MZT2B: variants seen among roughly 807,000 people sequenced by gnomAD.
MZT2B encodes mitotic-spindle organizing protein 2B.
A neutral mutation model predicts 12.1 loss-of-function variants in MZT2B; 11 were observed. The ratio of observed to expected loss-of-function variants is 0.91; its 90% CI spans 0.57 to 1.50. The LOEUF is 1.50. MZT2B is among the 40% of genes most tolerant of loss of function. The probability of loss-of-function intolerance (pLI) is 0.00; values close to 1 mark genes in which losing one functional copy is unlikely to be tolerated. For missense variants in MZT2B, 209 were observed against 227.7 expected, an observed-to-expected ratio of 0.92 and a Z score of 0.53; for synonymous variants, 85 against 109.5, an observed-to-expected ratio of 0.78 and a Z score of 1.40.
In MZT2B at chr2:130,183,868, C is replaced by T. The variant is rs200567237; in HGVS notation, c.319+1093C>T. Reference sequence around the variant, plus strand: ...TCCAGCCCGCAGCCTGCGGCCTCTCCGGTTCTGCTCCACAGCCCGGCTGCC... The same window carrying T: ...TCCAGCCCGCAGCCTGCGGCCTCTCTGGTTCTGCTCCACAGCCCGGCTGCC... On this transcript the variant is annotated intron_variant, in intron 2 of 2. Transcript: ENST00000281871. The T allele has an allele frequency of 3.7e-3, 5,720 of 1,550,568 alleles. 16 individuals carry two copies. The highest frequency in any genetic ancestry group is 4.3e-3 in the Non-Finnish European group (4,921 of 1,146,946).
chr2:130,198,315 G>A, the MZT2B span: 6 of 1,351,984 alleles, frequency 4.4e-6, 2 homozygotes, highest in Non-Finnish European at 4.0e-6. Flanking sequence ...GGCCAACTTC[G>A]TCTGCCTGGG....
intron 2 of MZT2B, among the ~76,000 whole-genome samples, chr2:130,188,809 G>A (rs1257649306): frequency 2.0e-5 from 3 of 152,042 alleles, no homozygotes; most frequent in East Asian, 1.9e-4. Flanking sequence ...AAGAGCGGGG[G>A]TCCACGGCAT....
chr2:130,188,559 G>A (rs1212231584), intron 2 of MZT2B, among the ~76,000 whole-genome samples: 4 of 152,164 alleles, frequency 2.6e-5, no homozygotes, highest in East Asian at 3.9e-4. Context: ...TCCTGACTGC[G>A]CTCCTCCTTG....
At chr2:130,186,910 A>G (rs1274691410) in intron 2 of MZT2B, among the ~76,000 whole-genome samples, 2 of 145,752 alleles carry the variant, frequency 1.4e-5, no homozygotes, top group East Asian at 4.0e-4. Flanking sequence ...TGTCTCAAAA[A>G]TAAACAAAAA....
At chr2:130,197,456 C>A in the MZT2B span, among the ~76,000 whole-genome samples, 1 of 97,562 alleles carries the variant, frequency 1.0e-5, no homozygotes, top group Non-Finnish European at 2.1e-5. Context: ...AACTGTGTTC[C>A]AGCCTGGGCA....
At chr2:130,204,193 T>C in the MZT2B span, 26 of 1,239,672 alleles carry the variant, frequency 2.1e-5, no homozygotes, top group East Asian at 5.6e-5. Context: ...TTCAGAGACA[T>C]TGAAATCCCA....
upstream of MZT2B, chr2:130,181,737 G>C (rs536338783): frequency 9.0e-4 from 1,386 of 1,548,344 alleles, 1 homozygote; most frequent in Non-Finnish European, 1.2e-3. Flanking sequence ...GCAGGAGTGC[G>C]GGGGAGGGAG....
At chr2:130,185,469 G>A (rs1367742550) in intron 2 of MZT2B, among the ~76,000 whole-genome samples, 8 of 108,808 alleles carry the variant, frequency 7.4e-5, no homozygotes, top group African/African-American at 2.9e-4. Flanking sequence ...AACAGAGCAA[G>A]ACCCTGTCTC....
the MZT2B span, among the ~76,000 whole-genome samples, chr2:130,201,265 A>T: frequency 6.6e-6 from 1 of 152,166 alleles, no homozygotes; most frequent in Admixed American, 6.5e-5. Context: ...TCTCCCCAGG[A>T]GGGTGAATCC....
downstream of MZT2B, among the ~76,000 whole-genome samples, chr2:130,192,402 A>C (rs1200953157): frequency 6.6e-6 from 1 of 152,160 alleles, no homozygotes; most frequent in African/African-American, 2.4e-5. Flanking sequence ...TGCCCAGGTG[A>C]AGACAGTCTT....
chr2:130,201,577 C>CT, the MZT2B span, among the ~76,000 whole-genome samples: 6 of 152,090 alleles, frequency 3.9e-5, no homozygotes, highest in Non-Finnish European at 7.4e-5. Flanking sequence ...GCTTCAGCGT[C>CT]TAATATTGGC....
At position 130,186,765 on chromosome 2, in the gene MZT2B, G is replaced by GC. The variant is rs546822139; in HGVS notation, c.320-3703dup. On this transcript the variant is annotated intron_variant, in intron 2 of 2. Transcript: ENST00000281871. ...TCTACAAAACACAAAAATTAGCAGG[G>GC]CATGGTGGCACACATCTGTAGTTCC... 1.1e-3 allele frequency among the ~76,000 whole-genome samples: 163 copies of GC among 152,274 alleles called. 2 individuals carry two copies. Among genetic ancestry groups the GC allele is most frequent in the Non-Finnish European group, 2.1e-3 (141 of 68,016 alleles).
chr2:130,203,465 A>T, the MZT2B span, among the ~76,000 whole-genome samples: 1 of 152,006 alleles, frequency 6.6e-6, no homozygotes, highest in Non-Finnish European at 1.5e-5. Flanking sequence ...TGTTGGCCAG[A>T]TCAGCTGCAG....
upstream of MZT2B, chr2:130,182,101 C>T (rs1689706751): frequency 7.5e-7 from 1 of 1,339,370 alleles, no homozygotes; most frequent in Non-Finnish European, 9.6e-7. Context: ...CTCAGCACAC[C>T]GTGAGCGCCC....
intron 2 of MZT2B, among the ~76,000 whole-genome samples, chr2:130,189,813 A>G (rs1031311069): frequency 1.3e-5 from 2 of 152,208 alleles, no homozygotes. Flanking sequence ...TCTTCATCCA[A>G]GAGAGCCTCT....
intron 2 of MZT2B, among the ~76,000 whole-genome samples, chr2:130,189,618 C>G (rs1690185501): frequency 6.6e-6 from 1 of 152,202 alleles, no homozygotes; most frequent in Non-Finnish European, 1.5e-5. Flanking sequence ...GGCAAGCCTG[C>G]TACCCGGGCA....
At position 130,182,633 on chromosome 2, in the gene MZT2B, G is replaced by C. The variant is rs1458941475; in HGVS notation, c.177G>C (p.Leu59=). ...GAIDPDVFKI[L]VDLLKLNVAP... is the part of the protein sequence containing the mutation. ...CCGCGTCTGTCCCCGCCAGGATCCT[G>C]GTGGACCTGCTGAAGCTGAACGTGG... The change falls in exon 2 of 3, where the codon CTG becomes CTC. Residue 59 remains leucine, a synonymous_variant. Transcript: ENST00000281871. 4.6e-6 allele frequency: 7 copies of C among 1,533,572 alleles called. No individual in the cohort carries two copies. The highest frequency in any genetic ancestry group is 5.3e-6 in the Non-Finnish European group (6 of 1,141,056). 95.0% of individuals were successfully genotyped at this position (1,533,572 alleles called of 1,614,324 possible).
At chr2:130,195,992 C>G in the MZT2B span, among the ~76,000 whole-genome samples, 1 of 152,350 alleles carries the variant, frequency 6.6e-6, no homozygotes, top group African/African-American at 2.4e-5. Flanking sequence ...CAGACACTTT[C>G]ATCACAAACC....
At chr2:130,202,177 CT>C in the MZT2B span, 1 of 496,112 alleles carries the variant, frequency 2.0e-6, no homozygotes, top group Non-Finnish European at 2.9e-6. Context: ...GTATTGCTGC[CT>C]TGTGTATTTT....
Sources: gnomAD v4.1 joint callset for allele counts (sites outside exome capture counted in the v4.1 genomes callset) on GRCh38, gnomAD v4.1.1 for gene constraint, MANE v1.5 for transcripts, NCBI Gene and HGNC (gene_info 2026-07-23, HGNC 2026-07-21) for gene names.